Variants in NOD1 observed in about 807,000 individuals in gnomAD.
NOD1 encodes nucleotide binding oligomerization domain containing 1.
In NOD1, 70 loss-of-function variants were observed where a neutral mutation model predicts 81.2. The ratio of observed to expected loss-of-function variants is 0.86; its 90% CI spans 0.71 to 1.05. NOD1 has a LOEUF of 1.05. Among genes scored for constraint, NOD1 ranks in the 50% least tolerant of loss-of-function variants. The pLI, the probability that NOD1 is intolerant of heterozygous loss-of-function variation, is 0.00. For missense variants in NOD1, 1,233 were observed against 1,228.0 expected (o/e 1.00, Z -0.06); for synonymous variants, 508 against 526.9 (o/e 0.96, Z 0.49).
intron 1 of NOD1, among the ~76,000 whole-genome samples, chr7:30,469,760 CAG>C (rs1181172242): frequency 2.0e-5 from 3 of 152,240 alleles, no homozygotes; most frequent in Non-Finnish European, 4.4e-5. Context: ...GATGGGAAAA[CAG>C]AGGCCCTGGG....
In NOD1 at chr7:30,469,296, C is replaced by G. The variant is rs140653927; in HGVS notation, c.-351-9255G>C. 3.1e-5 allele frequency: 29 copies of G among 947,424 alleles called. No individual in the cohort carries two copies. The East Asian group carries it at 2.1e-3, about 68-fold the overall frequency. 58.7% of individuals were successfully genotyped at this position (947,424 alleles called of 1,614,324 possible). A position where few individuals can be genotyped will look rare whatever the true frequency, so the allele number is the denominator to read the frequency against. On this transcript the variant is annotated intron_variant, in intron 1 of 13. Coordinates refer to ENST00000222823, the MANE Select transcript of NOD1 (RefSeq NM_006092.4). ...GAAGCTTTTTAACTCCATTGACACT[C>G]ACTGACTTTAAGTATCTGAAAGCAC... is the stretch of plus-strand genomic sequence containing the variant.
chr7:30,434,363 T>C (rs1037081422), intron 11 of NOD1, among the ~76,000 whole-genome samples: 2 of 152,208 alleles, frequency 1.3e-5, no homozygotes, highest in Non-Finnish European at 2.9e-5. Context: ...CACCTGGCCA[T>C]GTCCGGAGGC....
chr7:30,477,160 G>A (rs1025200006), intron 1 of NOD1, among the ~76,000 whole-genome samples: 1 of 152,194 alleles, frequency 6.6e-6, no homozygotes, highest in Non-Finnish European at 1.5e-5. Flanking sequence ...GTTCCAAAGC[G>A]TGAACTTATT....
At chr7:30,449,671 T>C (rs1419571161) in intron 6 of NOD1, among the ~76,000 whole-genome samples, 1 of 152,238 alleles carries the variant, frequency 6.6e-6, no homozygotes, top group East Asian at 1.9e-4. Flanking sequence ...TCTAGACTTT[T>C]ACATGAGAGA....
intron 1 of NOD1, chr7:30,460,414 A>G: frequency 4.1e-6 from 4 of 985,332 alleles, no homozygotes; most frequent in Non-Finnish European, 4.8e-6. Flanking sequence ...CAAAGAGAGG[A>G]CGGAGATTGG....
rs1583766277 is a variant in NOD1, at chr7:30,452,307, C to T, written c.1110G>A (p.Leu370=). 1 of 1,613,432 alleles carries T rather than the reference C, an allele frequency of 6.2e-7. No individual in the cohort carries two copies. The highest frequency in any genetic ancestry group is 8.5e-7 in the Non-Finnish European group (1 of 1,179,930). The part of the protein sequence containing the change: ...YARRMFPERA[L]QDRLLSQLEA... The stretch of plus-strand genomic sequence containing the variant: ...CCAGCTGGCTCAGCAGGCGGTCCTG[C>T]AGGGCCCGCTCGGGGAACATCCTCC... The change falls in exon 6 of 14, where the codon CTG becomes CTA. Residue 370 remains leucine (L), a synonymous_variant. Transcript: ENST00000222823.
At position 30,440,830 on chromosome 7, in the gene NOD1, GA is replaced by G. The variant is rs1234353520; in HGVS notation, c.2454-3175del. On this transcript the variant is annotated intron_variant, in intron 9 of 13. Coordinates refer to ENST00000222823, the MANE Select transcript of NOD1 (RefSeq NM_006092.4). ...CAGATTCACCAAAGTTGAAATGAAGGAAAAAATGTTAAGGGCAGCCAGAGAG... is the reference window on the plus strand; with the variant it reads ...CAGATTCACCAAAGTTGAAATGAAGGAAAAATGTTAAGGGCAGCCAGAGAG... Among the ~76,000 whole-genome samples the G allele has an allele frequency of 5.2e-4, 10 of 19,110 alleles. No individual in the cohort carries two copies. The East Asian group carries it at 0.013, about 24-fold the overall frequency. 12.5% of individuals were successfully genotyped at this position (19,110 alleles called of 152,430 possible).
intron 1 of NOD1, chr7:30,468,693 T>G (rs1787956786): frequency 5.5e-6 from 2 of 365,134 alleles, no homozygotes; most frequent in Non-Finnish European, 7.6e-6. Flanking sequence ...ATTGCAAATG[T>G]CAATTAGAGT....
intron 1 of NOD1, among the ~76,000 whole-genome samples, chr7:30,474,745 C>A (rs1050212390): frequency 6.6e-6 from 1 of 152,066 alleles, no homozygotes; most frequent in African/African-American, 2.4e-5. Flanking sequence ...GGATTGGGGA[C>A]CCCTGAAGTA....
intron 6 of NOD1, among the ~76,000 whole-genome samples, chr7:30,450,694 G>A (rs1785598363): frequency 6.6e-6 from 1 of 152,148 alleles, no homozygotes. Flanking sequence ...GAAACTTTTT[G>A]AGGGCTATCT....
intron 9 of NOD1, 21 bp downstream of exon 9, chr7:30,446,120 C>G (rs1785052049): frequency 6.3e-7 from 1 of 1,586,984 alleles, no homozygotes; most frequent in Non-Finnish European, 8.7e-7. Flanking sequence ...GTACCACATA[C>G]ATCCATCCCC....
In NOD1 at chr7:30,446,976, G is replaced by A. The variant is rs140817833; in HGVS notation, c.2360C>T (p.Thr787Met). ...TGCCTACCCCACTTACTTAAGATGC[G>A]TGAGGCCTTTGCATTCATCCAGGAT... ...TKILDECKGL[T>M]HLKLGKNKIT... Residue 787 changes from threonine (T) to methionine (M), a missense_variant, in exon 8 of 14, where the codon ACG becomes ATG. Transcript: ENST00000222823. 935 of 1,613,702 alleles carry A rather than the reference G, an allele frequency of 5.8e-4. 9 individuals are homozygous for A. In the African/African-American group the frequency reaches 9.7e-3, roughly 17 times the overall value.
chr7:30,456,994 T>C lies in NOD1; in HGVS notation c.-73A>G. On this transcript the variant is annotated 5_prime_UTR_variant, in exon 4 of 14. Coordinates refer to ENST00000222823, the MANE Select transcript of NOD1 (RefSeq NM_006092.4). ...GTGTGTCCTCTCAGCAGAAGGGCAA[T>C]CAGGATTCAGGCCGCGCCCTCCAGG... 1 of 1,320,450 alleles carries C rather than the reference T, an allele frequency of 7.6e-7. No homozygotes were observed. Among genetic ancestry groups the C allele is most frequent in the East Asian group, 2.3e-5 (1 of 43,484 alleles). The allele number at this position is 1,320,450 out of a possible 1,614,324, so 81.8% of individuals were successfully genotyped here.
Position 30,451,031 on chromosome 7 carries a change from T to C in NOD1, c.2201+185A>G, listed in dbSNP as rs1484258923. On this transcript the variant is annotated intron_variant, in intron 6 of 13. Coordinates refer to ENST00000222823, the MANE Select transcript of NOD1 (RefSeq NM_006092.4). This position sits in a 1 kb window ranked among gnomAD's most constrained non-coding sequence, Gnocchi z 4.2. ...TTCAAGGGCACCCAGCTGTGGCTGA[T>C]CCAGGTCCACCTGCCTCGAAGCTTT... Among the ~76,000 whole-genome samples the C allele has an allele frequency of 6.6e-6, 1 of 152,198 alleles. No individual in the cohort carries two copies. Among genetic ancestry groups the C allele is most frequent in the Non-Finnish European group, 1.5e-5 (1 of 68,036 alleles).
rs1786804509 is a variant in NOD1, at chr7:30,459,676, T to C, written c.-211+225A>G. On this transcript the variant is annotated intron_variant, in intron 2 of 13. Transcript: ENST00000222823. ...GGGGCCTGTTTTCTCTCGGAAGCATTTGAGAGATGTTAAAGACACAGTAGC... is the reference window on the plus strand; with the variant it reads ...GGGGCCTGTTTTCTCTCGGAAGCATCTGAGAGATGTTAAAGACACAGTAGC... Among the ~76,000 whole-genome samples the C allele has an allele frequency of 2.6e-5, 4 of 152,226 alleles. No homozygotes were observed. The South Asian group carries it at 8.3e-4, about 32-fold the overall frequency.
At chr7:30,470,156 C>T (rs1788116787) in intron 1 of NOD1, among the ~76,000 whole-genome samples, 1 of 152,220 alleles carries the variant, frequency 6.6e-6, no homozygotes, top group Non-Finnish European at 1.5e-5. Flanking sequence ...ACAAATAATG[C>T]TCTCTTCTGT....
At chr7:30,449,344 T>C (rs1395137803) in intron 6 of NOD1, among the ~76,000 whole-genome samples, 1 of 152,212 alleles carries the variant, frequency 6.6e-6, no homozygotes, top group Non-Finnish European at 1.5e-5. Context: ...ATCTATACTT[T>C]CTTAGCAATA....
At chr7:30,454,734 G>A (rs1786161182) in intron 5 of NOD1, among the ~76,000 whole-genome samples, 1 of 152,090 alleles carries the variant, frequency 6.6e-6, no homozygotes, top group Non-Finnish European at 1.5e-5. Context: ...TGGGGCTCAA[G>A]CAGTCCTCTT....
At chr7:30,446,093 CA>C (rs201979222) in intron 9 of NOD1, 47 bp downstream of exon 9, 125 of 1,325,180 alleles carry the variant, frequency 9.4e-5, no homozygotes, top group Non-Finnish European at 1.2e-4. Flanking sequence ...GCCCGCCCCC[CA>C]CACACACAGC....
Sources: gnomAD v4.1 joint callset for allele counts (sites outside exome capture counted in the v4.1 genomes callset) on GRCh38, gnomAD v4.1.1 for gene constraint, Gnocchi (gnomAD v3.1) non-coding constraint, MANE v1.5 for transcripts, NCBI Gene and HGNC (gene_info 2026-07-23, HGNC 2026-07-21) for gene names.